PARPBP: variants seen among roughly 807,000 people sequenced by gnomAD.
The protein encoded by PARPBP is PARP1 binding protein.
A neutral mutation model predicts 50.0 loss-of-function variants in PARPBP; 52 were observed. The observed-to-expected ratio is 1.04, with a 90% CI of 0.83 to 1.31. The LOEUF (loss-of-function observed/expected upper bound fraction) is 1.31. Ranked by LOEUF, PARPBP falls within the 50% of genes most tolerant of loss-of-function variation. The probability of loss-of-function intolerance (pLI) is 0.00; values close to 1 mark genes in which losing one functional copy is unlikely to be tolerated. For synonymous variants in PARPBP, 244 were observed against 232.1 expected (o/e 1.05, Z -0.47); for missense variants, 697 against 672.0 (o/e 1.04, Z -0.41).
At chr12:102,142,173 CTTTG>C (rs1439199415) in intron 2 of PARPBP, among the ~76,000 whole-genome samples, 2 of 152,098 alleles carry the variant, frequency 1.3e-5, no homozygotes, top group Non-Finnish European at 2.9e-5. Flanking sequence ...TTCTTGGAGG[CTTTG>C]TTTGTTTCTT....
At chr12:102,167,896 T>C (rs1012543153) in intron 6 of PARPBP, among the ~76,000 whole-genome samples, 6 of 152,168 alleles carry the variant, frequency 3.9e-5, no homozygotes, top group Admixed American at 2.6e-4. Flanking sequence ...GTGTTCCTTA[T>C]GGAGACTGTC....
intron 6 of PARPBP, among the ~76,000 whole-genome samples, chr12:102,170,539 CAT>C (rs754263237): frequency 3.3e-5 from 5 of 152,166 alleles, no homozygotes; most frequent in Non-Finnish European, 5.9e-5. Context: ...CAGTATAAAA[CAT>C]AAACATAGAT....
chr12:102,153,283 TGA>T (rs1356943925), intron 3 of PARPBP, among the ~76,000 whole-genome samples: 5 of 152,182 alleles, frequency 3.3e-5, no homozygotes, highest in Non-Finnish European at 5.9e-5. Context: ...CCCTAACCTA[TGA>T]GTTTTGGATG....
intron 9 of PARPBP, among the ~76,000 whole-genome samples, chr12:102,192,791 A>C (rs184705500): frequency 6.6e-6 from 1 of 152,006 alleles, no homozygotes; most frequent in Non-Finnish European, 1.5e-5. Context: ...AAGCCATCCT[A>C]GTAATCTCTA....
rs1594521507 is a variant in PARPBP, at chr12:102,151,034, G to C, written c.387+2571G>C. ...ATCACTTAAGCTACTTCAGCAGTCA[G>C]ATCTGAGTCCCAAAAAGCTAATGAA... is the stretch of plus-strand genomic sequence containing the variant. On this transcript the variant is annotated intron_variant, in intron 3 of 10. Transcript: ENST00000327680. 2.0e-5 allele frequency among the ~76,000 whole-genome samples: 3 copies of C among 152,268 alleles called. No individual in the cohort carries two copies. In the East Asian group the frequency reaches 5.8e-4, roughly 29 times the overall value.
At chr12:102,144,041 A>G (rs1443739683) in intron 2 of PARPBP, among the ~76,000 whole-genome samples, 1 of 152,162 alleles carries the variant, frequency 6.6e-6, no homozygotes, top group Non-Finnish European at 1.5e-5. Flanking sequence ...ATTTTTGATT[A>G]CCTATCATTT....
chr12:102,190,836 GCT>G, intron 9 of PARPBP, among the ~76,000 whole-genome samples: 1 of 152,126 alleles, frequency 6.6e-6, no homozygotes, highest in African/African-American at 2.4e-5. Flanking sequence ...GGTTATCAGT[GCT>G]GTGGAGTGAA....
intron 2 of PARPBP, among the ~76,000 whole-genome samples, chr12:102,125,173 ACAT>A (rs1343641488): frequency 6.6e-6 from 1 of 152,206 alleles, no homozygotes; most frequent in Non-Finnish European, 1.5e-5. Context: ...TGTGTGTTAG[ACAT>A]CATTGTAAAA....
intron 9 of PARPBP, among the ~76,000 whole-genome samples, chr12:102,191,746 A>G (rs899172323): frequency 7.9e-5 from 12 of 152,284 alleles, no homozygotes; most frequent in Non-Finnish European, 1.3e-4. Context: ...CATTGCAATT[A>G]TGCTGTGGAT....
chr12:102,129,722 C>T (rs1882561690), intron 2 of PARPBP, among the ~76,000 whole-genome samples: 2 of 152,136 alleles, frequency 1.3e-5, no homozygotes, highest in African/African-American at 2.4e-5. Flanking sequence ...GATCTTTCAC[C>T]TCCCTGGTTG....
At chr12:102,149,971 C>T (rs1428805702) in intron 3 of PARPBP, among the ~76,000 whole-genome samples, 2 of 152,120 alleles carry the variant, frequency 1.3e-5, no homozygotes, top group South Asian at 4.1e-4. Context: ...ATCTTAAAAA[C>T]CAGTGACAGT....
Position 102,196,931 on chromosome 12 carries a change from G to T in PARPBP, c.*640G>T, listed in dbSNP as rs781075906. 1.4e-6 allele frequency: 2 copies of T among 1,476,334 alleles called. No homozygotes were observed. The highest frequency in any genetic ancestry group is 1.9e-6 in the Non-Finnish European group (2 of 1,058,888). 91.5% of individuals were successfully genotyped at this position (1,476,334 alleles called of 1,614,324 possible). A position where few individuals can be genotyped will look rare whatever the true frequency, so the allele number is the denominator to read the frequency against. The stretch of plus-strand genomic sequence containing the variant: ...ACTTTAACTCAGAGTTCTGTTTAAT[G>T]GTGGTAGGATGTAAGAATTGAATTT... On this transcript the variant is annotated 3_prime_UTR_variant, in exon 11 of 11. Transcript: ENST00000327680.
At chr12:102,169,249 A>G (rs756187288) in intron 6 of PARPBP, among the ~76,000 whole-genome samples, 1 of 152,148 alleles carries the variant, frequency 6.6e-6, no homozygotes, top group Non-Finnish European at 1.5e-5. Context: ...CTATAACTTC[A>G]GATACGTCAT....
intron 2 of PARPBP, among the ~76,000 whole-genome samples, chr12:102,139,368 TAAG>T (rs1884186864): frequency 6.6e-6 from 1 of 152,226 alleles, no homozygotes; most frequent in South Asian, 2.1e-4. Flanking sequence ...CTTATCAGCT[TAAG>T]GAGATTTTGG....
chr12:102,127,958 A>G (rs972681496), intron 2 of PARPBP, among the ~76,000 whole-genome samples: 14 of 152,328 alleles, frequency 9.2e-5, no homozygotes, highest in African/African-American at 3.4e-4. Flanking sequence ...TGAAATATGT[A>G]TACATTGTGA....
intron 2 of PARPBP, among the ~76,000 whole-genome samples, chr12:102,134,929 C>T (rs1883398654): frequency 1.3e-5 from 2 of 152,164 alleles, no homozygotes; most frequent in Admixed American, 6.5e-5. Flanking sequence ...CTGCCTGCCT[C>T]GGTCTCCCAA....
At chr12:102,158,986 T>C (rs1887271100) in intron 4 of PARPBP, among the ~76,000 whole-genome samples, 1 of 152,230 alleles carries the variant, frequency 6.6e-6, no homozygotes, top group African/African-American at 2.4e-5. Context: ...TGGATTATAT[T>C]TTCTAATAGA....
chr12:102,152,696 CTTT>C (rs1886366723), intron 3 of PARPBP, among the ~76,000 whole-genome samples: 1 of 151,652 alleles, frequency 6.6e-6, no homozygotes, highest in Non-Finnish European at 1.5e-5. Flanking sequence ...GCAGACTTTC[CTTT>C]GTAATTGCAT....
intron 4 of PARPBP, among the ~76,000 whole-genome samples, chr12:102,155,869 C>G (rs1886837574): frequency 6.6e-6 from 1 of 152,338 alleles, no homozygotes; most frequent in Admixed American, 6.5e-5. Context: ...TTGCTGCTCC[C>G]AAGCGGCTAA....
Sources: allele counts gnomAD v4.1 joint callset (sites outside exome capture counted in the v4.1 genomes callset), GRCh38; gene constraint gnomAD v4.1.1; transcripts MANE v1.5; gene names NCBI Gene and HGNC (gene_info 2026-07-23, HGNC 2026-07-21).